Variants in TAF4B observed in about 807,000 individuals in gnomAD.
TAF4B encodes TATA-box binding protein associated factor 4b.
A neutral mutation model predicts 86.4 loss-of-function variants in TAF4B; 38 were observed. The ratio of observed to expected loss-of-function variants is 0.44; its 90% CI spans 0.34 to 0.58. The LOEUF (loss-of-function observed/expected upper bound fraction) is 0.58. Among genes scored for constraint, TAF4B ranks in the 20% least tolerant of loss-of-function variants. TAF4B has a pLI of 0.02. For missense variants in TAF4B, 988 were observed against 1,027.6 expected (o/e 0.96, Z 0.53); for synonymous variants, 388 against 391.2 (o/e 0.99, Z 0.10).
intron 2 of TAF4B, chr18:26,266,139 T>G (rs1598739892): frequency 6.6e-6 from 1 of 152,024 alleles, no homozygotes; most frequent in East Asian, 1.9e-4. Flanking sequence ...TGAGACGGAG[T>G]TTTGCTCTTG....
chr18:26,382,401 C>G (rs1978294829), intron 14 of TAF4B, among the ~76,000 whole-genome samples: 1 of 152,058 alleles, frequency 6.6e-6, no homozygotes, highest in Non-Finnish European at 1.5e-5. Flanking sequence ...TGGCTTTTTG[C>G]TGTTCTTGTG....
rs376984418 is a variant in TAF4B, at chr18:26,391,226, AG to A, written c.*1215del. The A allele has an allele frequency of 2.0e-5, 3 of 151,800 alleles. No individual in the cohort carries two copies. Among genetic ancestry groups the A allele is most frequent in the African/African-American group, 7.3e-5 (3 of 41,364 alleles). The allele number at this position is 151,800 out of a possible 1,614,324, so 9.4% of individuals were successfully genotyped here. A position where few individuals can be genotyped will look rare whatever the true frequency, so the allele number is the denominator to read the frequency against. On this transcript the variant is annotated 3_prime_UTR_variant, in exon 15 of 15. Transcript: ENST00000269142. ...CAAACCCTCTTTAAAAAAAAAAAAA[AG>A]AAAATTCCACGTGTGTGGAATACAG...
Position 26,357,681 on chromosome 18 carries a change from G to A in TAF4B, c.2317-9G>A, listed in dbSNP as rs3786346. On this transcript the variant is annotated splice_polypyrimidine_tract_variant and intron_variant, in intron 13 of 14. Coordinates refer to ENST00000269142, the MANE Select transcript of TAF4B (RefSeq NM_005640.3). The stretch of plus-strand genomic sequence containing the variant: ...ATAAACATTGATATTTTTTTCTTCC[G>A]TCTTCTAGTTACAGCAATTGGAACT... 4,817 of 1,586,760 alleles carry A rather than the reference G, an allele frequency of 3.0e-3. 85 individuals carry two copies. The highest frequency in any genetic ancestry group is 0.028 in the East Asian group (1,249 of 44,452).
At chr18:26,282,184 C>G in intron 6 of TAF4B, 124 bp downstream of exon 6, 1 of 772,716 alleles carries the variant, frequency 1.3e-6, no homozygotes, top group Non-Finnish European at 2.1e-6. Flanking sequence ...GGAGAAACCT[C>G]TGAGTGCTTT....
In TAF4B at chr18:26,285,979, G is replaced by C; in HGVS notation, c.1070G>C (p.Cys357Ser). Residue 357 changes from cysteine (C) to serine (S), a missense_variant, in exon 7 of 15, where the codon TGT becomes TCT. This residue lies in a region of TAF4B where 747 missense variants were observed against 737.9 expected (regional missense o/e 1.01). Coordinates refer to ENST00000269142, the MANE Select transcript of TAF4B (RefSeq NM_005640.3). ...TCTAGTGACATGGTCATTGCTACCTGTACTACAACAGTAACAACTTCTCCT... is the reference window on the plus strand; with the variant it reads ...TCTAGTGACATGGTCATTGCTACCTCTACTACAACAGTAACAACTTCTCCT... ...QTSSDMVIAT[C>S]TTTVTTSPVV... The C allele has an allele frequency of 6.2e-7, 1 of 1,614,214 alleles. No homozygotes were observed. Among genetic ancestry groups the C allele is most frequent in the Non-Finnish European group, 8.5e-7 (1 of 1,180,034 alleles).
rs1040813150 is a variant in TAF4B, at chr18:26,277,332, C to T, written c.882+2279C>T. Among the ~76,000 whole-genome samples, 7 of 152,258 alleles carry T rather than the reference C, an allele frequency of 4.6e-5. No individual in the cohort carries two copies. The South Asian group carries it at 6.2e-4, about 14-fold the overall frequency. On this transcript the variant is annotated intron_variant, in intron 5 of 14. Coordinates refer to ENST00000269142, the MANE Select transcript of TAF4B (RefSeq NM_005640.3). ...AACTCCTGAGCTCAAGTAATCATCC[C>T]ACCTTGGCCTGGCGAAGTGCTAGGA...
intron 13 of TAF4B, among the ~76,000 whole-genome samples, chr18:26,346,813 ATATGTGTGTGTATATATATATATG>A (rs2057192245): frequency 4.0e-5 from 1 of 24,888 alleles, no homozygotes; most frequent in African/African-American, 8.3e-5. Context: ...ATATATATAT[ATATGTGTGTGTATATATATATATG>A]TGTGTGTGTA....
intron 14 of TAF4B, among the ~76,000 whole-genome samples, chr18:26,382,270 G>A (rs1756686011): frequency 6.6e-6 from 1 of 152,174 alleles, no homozygotes; most frequent in Non-Finnish European, 1.5e-5. Context: ...GTCTTTGCAA[G>A]TGTCTTAGTA....
chr18:26,233,656 T>C (rs891369204), intron 1 of TAF4B, among the ~76,000 whole-genome samples: 7 of 152,180 alleles, frequency 4.6e-5, no homozygotes, highest in Non-Finnish European at 8.8e-5. Context: ...TACAGGGCTG[T>C]GTATGGGCTT....
Position 26,371,207 on chromosome 18 carries a change from G to A in TAF4B, c.2421+13413G>A, listed in dbSNP as rs187228237. Among the ~76,000 whole-genome samples, 4 of 152,182 alleles carry A rather than the reference G, an allele frequency of 2.6e-5. No individual in the cohort carries two copies. The East Asian group carries it at 7.7e-4, about 29-fold the overall frequency. Reference sequence around the variant, plus strand: ...AGCATGCTCTAAATTCTACTGAATCGACACATATTTATAAAAAGTGTTAGA... The same window carrying A: ...AGCATGCTCTAAATTCTACTGAATCAACACATATTTATAAAAAGTGTTAGA... On this transcript the variant is annotated intron_variant, in intron 14 of 14. Transcript: ENST00000269142.
chr18:26,390,074 T>C lies in TAF4B; in HGVS notation c.*62T>C. On this transcript the variant is annotated 3_prime_UTR_variant, in exon 15 of 15. Coordinates refer to ENST00000269142, the MANE Select transcript of TAF4B (RefSeq NM_005640.3). ...TGCCAAAGAAGACACAAAGCATTGT[T>C]GCACTGTCCTGAAATTTCAATTTCT... 2 of 1,507,768 alleles carry C rather than the reference T, an allele frequency of 1.3e-6. No homozygotes were observed. The highest frequency in any genetic ancestry group is 1.8e-6 in the Non-Finnish European group (2 of 1,115,642). The allele number at this position is 1,507,768 out of a possible 1,614,324, so 93.4% of individuals were successfully genotyped here. A position where few individuals can be genotyped will look rare whatever the true frequency, so the allele number is the denominator to read the frequency against.
chr18:26,274,812 T>G lies in TAF4B; in HGVS notation c.747T>G (p.Ile249Met), dbSNP rs2056363579. 6.2e-7 allele frequency: 1 copy of G among 1,614,084 alleles called. No individual in the cohort carries two copies. The highest frequency in any genetic ancestry group is 8.5e-7 in the Non-Finnish European group (1 of 1,180,042). Residue 249 changes from isoleucine (I) to methionine (M), a missense_variant, in exon 4 of 15, where the codon ATT becomes ATG. Coordinates refer to ENST00000269142, the MANE Select transcript of TAF4B (RefSeq NM_005640.3). ...CAGAGAACTCAGCAGCTGTTCAGAT[T>G]AATCTTTCTCCGGTAAGCTCTTACT... ...LKAENSAAVQ[I>M]NLSPTMLENV... is the part of the protein sequence containing the mutation.
chr18:26,320,942 A>G, intron 10 of TAF4B, 128 bp from the exon 11 acceptor site: 2 of 1,160,126 alleles, frequency 1.7e-6, no homozygotes, highest in Non-Finnish European at 1.2e-6. Context: ...TTACTAGGAA[A>G]ATCATAATCT....
At chr18:26,330,586 G>C (rs951486074) in intron 12 of TAF4B, among the ~76,000 whole-genome samples, 1 of 152,240 alleles carries the variant, frequency 6.6e-6, no homozygotes, top group African/African-American at 2.4e-5. Context: ...TCAATGGACA[G>C]ATCTAGGAAA....
At chr18:26,291,703 TCTCAAAAAAAAAA>T (rs1231182037) in intron 7 of TAF4B, among the ~76,000 whole-genome samples, 1 of 79,718 alleles carries the variant, frequency 1.3e-5, no homozygotes, top group African/African-American at 4.0e-5. Context: ...CAAGACTCTG[TCTCAAAAAAAAAA>T]AAAAAAGAAA....
At chr18:26,285,688 C>T (rs1011675478) in intron 6 of TAF4B, among the ~76,000 whole-genome samples, 194 bp from the exon 7 acceptor site, 5 of 152,126 alleles carry the variant, frequency 3.3e-5, no homozygotes, top group Non-Finnish European at 7.4e-5. Flanking sequence ...TATTGGAAAA[C>T]AGGCACTTGG....
At chr18:26,300,175 A>G (rs535286695) in intron 9 of TAF4B, among the ~76,000 whole-genome samples, 2 of 151,774 alleles carry the variant, frequency 1.3e-5, no homozygotes, top group South Asian at 4.2e-4. Flanking sequence ...TTTTTGTAAC[A>G]ATGAGGTTTC....
intron 1 of TAF4B, among the ~76,000 whole-genome samples, chr18:26,245,121 C>G (rs778481956): frequency 4.6e-5 from 7 of 152,166 alleles, no homozygotes; most frequent in Non-Finnish European, 7.3e-5. Context: ...GTCTGGCGGC[C>G]ATGCTAGTCA....
intron 10 of TAF4B, among the ~76,000 whole-genome samples, chr18:26,316,649 T>A (rs910442584): frequency 2.6e-5 from 4 of 152,174 alleles, no homozygotes; most frequent in Non-Finnish European, 4.4e-5. Flanking sequence ...CCTCCCAAAG[T>A]GCTGGGATTA....
Sources: allele counts gnomAD v4.1 joint callset (sites outside exome capture counted in the v4.1 genomes callset), GRCh38; gene constraint gnomAD v4.1.1; regional missense constraint gnomAD v4.1.1; transcripts MANE v1.5; gene names NCBI Gene and HGNC (gene_info 2026-07-23, HGNC 2026-07-21).